Variants in ZNF362 observed in about 807,000 individuals in gnomAD.
The protein encoded by ZNF362 is zinc finger protein 362.
In ZNF362, 11 loss-of-function variants were observed where a neutral mutation model predicts 42.9. The ratio of observed to expected loss-of-function variants is 0.26; its 90% CI spans 0.16 to 0.42. The LOEUF is 0.42. Ranked by LOEUF, ZNF362 falls within the 20% of genes least tolerant of loss-of-function variation. The pLI, the probability that ZNF362 is intolerant of heterozygous loss-of-function variation, is 1.00. For synonymous variants in ZNF362, 255 were observed against 257.3 expected, an observed-to-expected ratio of 0.99 and a Z score of 0.09; for missense variants, 362 against 576.2, an observed-to-expected ratio of 0.63 and a Z score of 3.81.
At chr1:33,203,443 G>A in the ZNF362 span, among the ~76,000 whole-genome samples, 2 of 152,174 alleles carry the variant, frequency 1.3e-5, no homozygotes, top group Non-Finnish European at 2.9e-5. Flanking sequence ...TGGGAGTACA[G>A]ACGTTTCTAT....
rs1188820793 is a variant in ZNF362, at chr1:33,280,655, G to A, written c.683+198G>A. Among the ~76,000 whole-genome samples, 2 of 152,196 alleles carry A rather than the reference G, an allele frequency of 1.3e-5. No homozygotes were observed. Among genetic ancestry groups the A allele is most frequent in the Non-Finnish European group, 2.9e-5 (2 of 68,030 alleles). ...GTTCGGGGAGGGCTGCTGGGGAGGGGAATAGAGGCTTGGACCCTTAGGTGT... is the reference window on the plus strand; with the variant it reads ...GTTCGGGGAGGGCTGCTGGGGAGGGAAATAGAGGCTTGGACCCTTAGGTGT... On this transcript the variant is annotated intron_variant, in intron 5 of 8. Transcript: ENST00000539719. This position sits in a 1 kb window ranked among gnomAD's most constrained non-coding sequence, Gnocchi z 5.6.
intron 6 of ZNF362, among the ~76,000 whole-genome samples, chr1:33,287,002 G>C (rs1170459396): frequency 6.6e-6 from 1 of 152,178 alleles, no homozygotes; most frequent in Non-Finnish European, 1.5e-5. Flanking sequence ...GGAGTGAGGC[G>C]GTTGAGTGGC....
At chr1:33,133,257 G>A in the ZNF362 span, among the ~76,000 whole-genome samples, 1 of 152,260 alleles carries the variant, frequency 6.6e-6, no homozygotes, top group Admixed American at 6.5e-5. Flanking sequence ...CATGGCCTCT[G>A]CGAGGCTTTA....
At chr1:33,282,984 C>T (rs1009339104) in intron 6 of ZNF362, among the ~76,000 whole-genome samples, 3 of 152,176 alleles carry the variant, frequency 2.0e-5, no homozygotes, top group African/African-American at 2.4e-5. Context: ...TCTCACATGA[C>T]GATGATCATC....
the ZNF362 span, chr1:33,146,386 G>A: frequency 8.9e-3 from 1,445 of 161,584 alleles, 22 homozygotes; most frequent in African/African-American, 0.033. Context: ...GGCTGAAGAG[G>A]GTTGGCTGGA....
chr1:33,236,550 AATATATAT>A, the ZNF362 span, among the ~76,000 whole-genome samples: 1 of 5,970 alleles, frequency 1.7e-4, no homozygotes, highest in Non-Finnish European at 3.7e-4. Context: ...AAAAAAAAAA[AATATATAT>A]ATATATATAT....
chr1:33,160,197 G>A, the ZNF362 span, among the ~76,000 whole-genome samples: 1 of 152,110 alleles, frequency 6.6e-6, no homozygotes, highest in African/African-American at 2.4e-5. Context: ...CAGCAATGGT[G>A]AGGAACACGG....
At chr1:33,276,045 G>A (rs1339052917) in intron 2 of ZNF362, 55 bp from the exon 3 acceptor site, 10 of 1,597,906 alleles carry the variant, frequency 6.3e-6, no homozygotes, top group East Asian at 2.2e-5. Context: ...AGGGGTGCTC[G>A]CCCCAGGCCT....
the ZNF362 span, among the ~76,000 whole-genome samples, chr1:33,246,885 T>A: frequency 6.6e-6 from 1 of 152,172 alleles, no homozygotes. Context: ...GCCAGACCAG[T>A]GAGGGTAGAT....
At chr1:33,189,458 C>A in the ZNF362 span, among the ~76,000 whole-genome samples, 1 of 151,494 alleles carries the variant, frequency 6.6e-6, no homozygotes, top group African/African-American at 2.4e-5. Flanking sequence ...TGACAGTACA[C>A]AACTTACAAT....
At chr1:33,236,939 T>C in the ZNF362 span, among the ~76,000 whole-genome samples, 1 of 151,640 alleles carries the variant, frequency 6.6e-6, no homozygotes, top group African/African-American at 2.4e-5. Context: ...GGCGTGGTGG[T>C]ACATGCCTGT....
the ZNF362 span, among the ~76,000 whole-genome samples, chr1:33,191,487 CT>C: frequency 4.4e-3 from 468 of 106,618 alleles, no homozygotes; most frequent in African/African-American, 0.015. Context: ...AGTAAACATC[CT>C]TTTTTTTGTT....
intron 7 of ZNF362, 33 bp downstream of exon 7, chr1:33,295,048 G>A (rs774619389): frequency 1.9e-6 from 3 of 1,612,750 alleles, no homozygotes; most frequent in East Asian, 2.2e-5. Flanking sequence ...CCCACCAGGT[G>A]CTCTGGTGCC....
At chr1:33,272,073 T>C (rs995553842) in intron 2 of ZNF362, among the ~76,000 whole-genome samples, 2 of 152,022 alleles carry the variant, frequency 1.3e-5, no homozygotes, top group Non-Finnish European at 2.9e-5. Context: ...CCTGAGGAGC[T>C]GAATTGGTGG....
the ZNF362 span, among the ~76,000 whole-genome samples, chr1:33,200,556 C>G: frequency 6.6e-6 from 1 of 152,108 alleles, no homozygotes; most frequent in East Asian, 1.9e-4. Flanking sequence ...ACTTATAAGA[C>G]ATCCACTTTA....
At position 33,281,956 on chromosome 1, in the gene ZNF362, C is replaced by T; in HGVS notation, c.908+145C>T. ...TCACGGCCCTTGTGGACCTCACTGG[C>T]CTCAGCTGTTGTTACTGCACCCCGT... On this transcript the variant is annotated intron_variant, in intron 6 of 8. Coordinates refer to ENST00000539719, the MANE Select transcript of ZNF362 (RefSeq NM_152493.3). This position sits in a 1 kb window ranked among gnomAD's most constrained non-coding sequence, Gnocchi z 4.8. 2 of 744,470 alleles carry T rather than the reference C, an allele frequency of 2.7e-6. No individual in the cohort carries two copies. Among genetic ancestry groups the T allele is most frequent in the East Asian group, 2.7e-5 (1 of 37,414 alleles). 46.1% of individuals were successfully genotyped at this position (744,470 alleles called of 1,614,324 possible). A position where few individuals can be genotyped will look rare whatever the true frequency, so the allele number is the denominator to read the frequency against.
intron 6 of ZNF362, among the ~76,000 whole-genome samples, chr1:33,284,236 T>G (rs1178546949): frequency 6.6e-6 from 1 of 152,232 alleles, no homozygotes; most frequent in Non-Finnish European, 1.5e-5. Context: ...CCAGTCCGGT[T>G]TCCTGGAGGC....
chr1:33,215,579 G>A, the ZNF362 span, among the ~76,000 whole-genome samples: 4 of 152,110 alleles, frequency 2.6e-5, no homozygotes, highest in Non-Finnish European at 5.9e-5. Flanking sequence ...TTACCCTGAT[G>A]TGATTATTAC....
At chr1:33,298,424 C>CT (rs1646140093) in intron 8 of ZNF362, among the ~76,000 whole-genome samples, 1 of 152,206 alleles carries the variant, frequency 6.6e-6, no homozygotes, top group South Asian at 2.1e-4. Context: ...AGGGCTTGAT[C>CT]TTTGTCACCA....
Sources: allele counts gnomAD v4.1 joint callset (sites outside exome capture counted in the v4.1 genomes callset), GRCh38; gene constraint gnomAD v4.1.1; non-coding constraint Gnocchi (gnomAD v3.1); transcripts MANE v1.5; gene names NCBI Gene and HGNC (gene_info 2026-07-23, HGNC 2026-07-21).